KANSL1: variants seen among roughly 807,000 people sequenced by gnomAD.
The protein encoded by KANSL1 is KAT8 regulatory NSL complex subunit 1, also known as MLL1/MLL complex subunit KANSL1.
KANSL1 carries 22 observed loss-of-function variants against 103.6 expected under a neutral mutation model. That is an observed-to-expected ratio of 0.21 (90% CI 0.15 to 0.30). KANSL1 has a LOEUF of 0.30. Ranked by LOEUF, KANSL1 falls within the 10% of genes least tolerant of loss-of-function variation. KANSL1 has a pLI of 1.00. For missense variants in KANSL1, 1,337 were observed against 1,399.8 expected, an observed-to-expected ratio of 0.96 and a Z score of 0.72; for synonymous variants, 600 against 527.6, an observed-to-expected ratio of 1.14 and a Z score of -1.88.
chr17:46,062,109 ACAAAC>A (rs1568403356), intron 6 of KANSL1, among the ~76,000 whole-genome samples: 2 of 36,892 alleles, frequency 5.4e-5, no homozygotes, highest in Non-Finnish European at 1.0e-4. Flanking sequence ...AAAAAAAAAA[ACAAAC>A]AAACAAAAAA....
intron 1 of KANSL1, among the ~76,000 whole-genome samples, chr17:46,183,254 A>C (rs1247059728): frequency 6.6e-6 from 1 of 151,940 alleles, no homozygotes; most frequent in Non-Finnish European, 1.5e-5. Context: ...CCCATCTAAA[A>C]AAGCCACCCA....
intron 1 of KANSL1, among the ~76,000 whole-genome samples, chr17:46,209,693 T>C (rs1306251676): frequency 1.3e-5 from 2 of 152,142 alleles, no homozygotes; most frequent in Non-Finnish European, 2.9e-5. Context: ...AGGGTTTCAC[T>C]ATGTTACCCA....
intron 2 of KANSL1, among the ~76,000 whole-genome samples, chr17:46,153,901 T>A (rs1465880003): frequency 6.6e-6 from 1 of 152,234 alleles, no homozygotes; most frequent in African/African-American, 2.4e-5. Context: ...GACTATTTCA[T>A]GAACACCAGA....
upstream of KANSL1, chr17:46,196,491 C>T: frequency 2.2e-6 from 1 of 454,070 alleles, no homozygotes; most frequent in Non-Finnish European, 4.4e-6. Context: ...GACAGTGACA[C>T]CTCAAACTGC....
chr17:46,140,840 G>A (rs759648332), intron 2 of KANSL1, among the ~76,000 whole-genome samples: 1 of 152,170 alleles, frequency 6.6e-6, no homozygotes, highest in Non-Finnish European at 1.5e-5. Context: ...ACTTCACATT[G>A]ACTAGCATGG....
At chr17:46,140,885 G>A (rs1386212780) in intron 2 of KANSL1, among the ~76,000 whole-genome samples, 1 of 152,202 alleles carries the variant, frequency 6.6e-6, no homozygotes, top group Admixed American at 6.5e-5. Flanking sequence ...GCATTGGCAA[G>A]AATGTGGAGA....
chr17:46,037,584 T>A (rs943237303), intron 10 of KANSL1: 1 of 152,218 alleles, frequency 6.6e-6, no homozygotes, highest in African/African-American at 2.4e-5. Flanking sequence ...TGAGTTTGAA[T>A]CATAATTATA....
intron 2 of KANSL1, among the ~76,000 whole-genome samples, chr17:46,133,745 C>T (rs572594867): frequency 2.0e-5 from 3 of 152,182 alleles, no homozygotes; most frequent in East Asian, 3.9e-4. Flanking sequence ...AGGGTAGGGG[C>T]GCGACTCATG....
chr17:46,203,032 G>C (rs1350892965), intron 1 of KANSL1, among the ~76,000 whole-genome samples: 1 of 152,240 alleles, frequency 6.6e-6, no homozygotes, highest in Admixed American at 6.5e-5. Flanking sequence ...AGGAGTTCGA[G>C]ACCAGCCTGG....
At chr17:46,046,620 G>A (rs535657633) in intron 7 of KANSL1, among the ~76,000 whole-genome samples, 1 of 146,310 alleles carries the variant, frequency 6.8e-6, no homozygotes. Flanking sequence ...GGTGGATCAC[G>A]AGGTCAGGAG....
chr17:46,109,885 G>C (rs951258872), intron 2 of KANSL1, among the ~76,000 whole-genome samples: 2 of 152,166 alleles, frequency 1.3e-5, no homozygotes, highest in African/African-American at 2.4e-5. Context: ...TTGAGAAACA[G>C]GAACCAGAGA....
intron 1 of KANSL1, among the ~76,000 whole-genome samples, chr17:46,174,492 A>AT (rs1245902834): frequency 6.6e-6 from 1 of 152,216 alleles, no homozygotes; most frequent in Non-Finnish European, 1.5e-5. Context: ...CTTTCTGAAT[A>AT]TTTTAAAAGC....
At chr17:46,052,963 C>CA (rs2077769956) in intron 6 of KANSL1, among the ~76,000 whole-genome samples, 5 of 43,140 alleles carry the variant, frequency 1.2e-4, no homozygotes, top group African/African-American at 5.1e-4. Flanking sequence ...GATCCTGTCT[C>CA]CAAAAAAAAA....
intron 2 of KANSL1, among the ~76,000 whole-genome samples, chr17:46,159,217 C>A (rs1003166663): frequency 7.9e-5 from 12 of 152,194 alleles, no homozygotes; most frequent in Admixed American, 2.6e-4. Flanking sequence ...AACAGCCTTT[C>A]CCATCACAGC....
intron 2 of KANSL1, among the ~76,000 whole-genome samples, chr17:46,168,677 G>A (rs1319385324): frequency 2.0e-5 from 3 of 152,210 alleles, no homozygotes; most frequent in Non-Finnish European, 4.4e-5. Context: ...TGTGCAAAAA[G>A]AGCATGTACT....
At chr17:46,064,964 TTTTG>T (rs545232824) in intron 6 of KANSL1, among the ~76,000 whole-genome samples, 240 of 151,938 alleles carry the variant, frequency 1.6e-3, no homozygotes, top group African/African-American at 4.9e-3. Context: ...CGTGTGTTTT[TTTTG>T]TTTGTTTTTT....
In KANSL1 at chr17:46,181,504, A is replaced by G. The variant is rs558764746; in HGVS notation, c.-89-9272T>C. 2.0e-5 allele frequency among the ~76,000 whole-genome samples: 3 copies of G among 151,926 alleles called. No homozygotes were observed. The South Asian group carries it at 6.2e-4, about 31-fold the overall frequency. ...GAGTGCGATGGCGCGATCTCCGCTC[A>G]CTGCAACCTCCGCCTCCCAGGTTCA... On this transcript the variant is annotated intron_variant, in intron 1 of 14. Transcript: ENST00000432791.
chr17:46,066,391 G>A (rs188536973), intron 6 of KANSL1, 146 bp downstream of exon 6: 31 of 553,600 alleles, frequency 5.6e-5, no homozygotes, highest in Non-Finnish European at 8.8e-5. Flanking sequence ...GAGCAAACAG[G>A]GCCCAGGAAC....
chr17:46,127,898 C>G (rs990142904), intron 2 of KANSL1, among the ~76,000 whole-genome samples: 1 of 152,168 alleles, frequency 6.6e-6, no homozygotes, highest in Non-Finnish European at 1.5e-5. Flanking sequence ...GACTTGAGAG[C>G]AACTTAATAC....
Sources: gnomAD v4.1 joint callset for allele counts (sites outside exome capture counted in the v4.1 genomes callset) on GRCh38, gnomAD v4.1.1 for gene constraint, MANE v1.5 for transcripts, NCBI Gene and HGNC (gene_info 2026-07-23, HGNC 2026-07-21) for gene names.